Variants in RIGI observed in about 807,000 individuals in gnomAD.
RIGI encodes the protein RNA sensor RIG-I, also known as antiviral innate immune response receptor RIG-I.
At chr9:32,462,141 C>G in the RIGI span, among the ~76,000 whole-genome samples, 1 of 152,110 alleles carries the variant, frequency 6.6e-6, no homozygotes, top group East Asian at 1.9e-4. Flanking sequence ...CTATTCAAGT[C>G]TCAGTTTCCT....
chr9:32,505,713 G>A, the RIGI span, among the ~76,000 whole-genome samples: 105 of 152,256 alleles, frequency 6.9e-4, no homozygotes, highest in Admixed American at 1.8e-3. Flanking sequence ...GATTACAGGT[G>A]TTGTTTCCTA....
At chr9:32,508,304 G>A in the RIGI span, among the ~76,000 whole-genome samples, 2 of 124,494 alleles carry the variant, frequency 1.6e-5, no homozygotes, top group African/African-American at 3.0e-5. Flanking sequence ...TAGGAACCAG[G>A]GCAAGATGGC....
the RIGI span, chr9:32,485,446 A>G: frequency 1.5e-6 from 1 of 653,516 alleles, no homozygotes; most frequent in Non-Finnish European, 2.7e-6. Flanking sequence ...AGATGATACA[A>G]CAAATGCTCA....
chr9:32,458,497 GAAT>G, the RIGI span, among the ~76,000 whole-genome samples: 4 of 152,132 alleles, frequency 2.6e-5, no homozygotes, highest in Admixed American at 1.3e-4. Flanking sequence ...CAATGACAAT[GAAT>G]GTATTTGCTG....
the RIGI span, chr9:32,485,456 A>C: frequency 3.1e-6 from 2 of 654,416 alleles, no homozygotes; most frequent in Non-Finnish European, 5.4e-6. Flanking sequence ...ACAAATGCTC[A>C]AAATGCAATG....
chr9:32,466,689 T>TAAAAAA, the RIGI span, among the ~76,000 whole-genome samples: 1 of 16,438 alleles, frequency 6.1e-5, no homozygotes, highest in African/African-American at 3.0e-4. Context: ...AAGACCTATC[T>TAAAAAA]CAAAAAAAAA....
the RIGI span, among the ~76,000 whole-genome samples, chr9:32,482,544 C>G: frequency 6.6e-6 from 1 of 152,026 alleles, no homozygotes; most frequent in Non-Finnish European, 1.5e-5. Context: ...GTCTCAAGAG[C>G]TTCATCAGAG....
the RIGI span, among the ~76,000 whole-genome samples, chr9:32,494,981 A>C: frequency 1.3e-5 from 2 of 152,176 alleles, no homozygotes; most frequent in African/African-American, 2.4e-5. Context: ...TGCTACTATC[A>C]ACATGGATGT....
At chr9:32,474,479 T>A in the RIGI span, among the ~76,000 whole-genome samples, 1 of 152,196 alleles carries the variant, frequency 6.6e-6, no homozygotes, top group Non-Finnish European at 1.5e-5. Flanking sequence ...AGATGCAATG[T>A]GGCATCATTT....
At chr9:32,472,894 T>TAC in the RIGI span, 8 of 704,496 alleles carry the variant, frequency 1.1e-5, no homozygotes, top group Admixed American at 3.5e-5. Flanking sequence ...ATTATATATA[T>TAC]ACACACACAC....
At chr9:32,474,050 A>C in the RIGI span, among the ~76,000 whole-genome samples, 1 of 151,968 alleles carries the variant, frequency 6.6e-6, no homozygotes, top group Non-Finnish European at 1.5e-5. Flanking sequence ...ATAAAAATAA[A>C]AATTAGCTGG....
At chr9:32,466,321 T>C in the RIGI span, 2 of 1,613,918 alleles carry the variant, frequency 1.2e-6, no homozygotes, top group South Asian at 1.1e-5. Context: ...GTCCCATGTC[T>C]GAAGGCGTAA....
the RIGI span, chr9:32,526,162 G>A: frequency 4.3e-6 from 7 of 1,612,196 alleles, no homozygotes; most frequent in East Asian, 1.3e-4. Context: ...CTGCTCGGTG[G>A]TCATGCCGGC....
the RIGI span, chr9:32,456,466 C>G: frequency 6.6e-6 from 1 of 152,062 alleles, no homozygotes; most frequent in Non-Finnish European, 1.5e-5. Flanking sequence ...ATAACCATTA[C>G]ATATACATAC....
chr9:32,492,033 T>C, the RIGI span, among the ~76,000 whole-genome samples: 2 of 152,180 alleles, frequency 1.3e-5, no homozygotes, highest in East Asian at 3.8e-4. Context: ...AAATCAACTC[T>C]GAAAAGGGGG....
chr9:32,520,974 C>T, the RIGI span, among the ~76,000 whole-genome samples: 9 of 151,374 alleles, frequency 5.9e-5, no homozygotes, highest in African/African-American at 1.7e-4. Flanking sequence ...GGTGAAACCC[C>T]GTCTCTACTA....
chr9:32,487,589 G>C, the RIGI span: 1 of 1,614,160 alleles, frequency 6.2e-7, no homozygotes, highest in Non-Finnish European at 8.5e-7. Context: ...CTTCATCTGT[G>C]TTTTTGGCAT....
the RIGI span, among the ~76,000 whole-genome samples, chr9:32,508,258 T>TTTTTTTTTTTTTTTA: frequency 5.0e-3 from 686 of 137,876 alleles, 43 homozygotes; most frequent in African/African-American, 0.019. Flanking sequence ...TTTTTTTTTT[T>TTTTTTTTTTTTTTTA]ACTATATGAA....
chr9:32,521,809 G>C, the RIGI span, among the ~76,000 whole-genome samples: 1 of 152,038 alleles, frequency 6.6e-6, no homozygotes, highest in Non-Finnish European at 1.5e-5. Context: ...TATGGTGTCA[G>C]TAATGATGAT....
Sources: allele counts gnomAD v4.1 joint callset (sites outside exome capture counted in the v4.1 genomes callset), GRCh38; gene constraint gnomAD v4.1.1; transcripts MANE v1.5; gene names NCBI Gene and HGNC (gene_info 2026-07-23, HGNC 2026-07-21).